Variants in SULF2 observed in about 807,000 individuals in gnomAD.
The protein encoded by SULF2 is extracellular sulfatase Sulf-2.
In SULF2, 52 loss-of-function variants were observed where a neutral mutation model predicts 107.7. That is an observed-to-expected ratio of 0.48 (90% CI 0.39 to 0.61). The LOEUF (loss-of-function observed/expected upper bound fraction) is 0.61, where lower values mean the gene tolerates loss of function less well. Ranked by LOEUF, SULF2 falls within the 20% of genes least tolerant of loss-of-function variation. SULF2 has a pLI of 0.00. For synonymous variants in SULF2, 460 were observed against 464.3 expected, an observed-to-expected ratio of 0.99 and a Z score of 0.12; for missense variants, 993 against 1,177.3, an observed-to-expected ratio of 0.84 and a Z score of 2.29.
chr20:47,692,612 G>T (rs1240343282), intron 4 of SULF2, among the ~76,000 whole-genome samples: 3 of 151,968 alleles, frequency 2.0e-5, no homozygotes, highest in Non-Finnish European at 4.4e-5. Flanking sequence ...TAGAGACAGG[G>T]TCTCTACAGA....
chr20:47,705,054 C>T (rs1398558297), intron 3 of SULF2, among the ~76,000 whole-genome samples: 1 of 152,172 alleles, frequency 6.6e-6, no homozygotes. Flanking sequence ...GGGAAAACCC[C>T]TTAGGAACCC....
In SULF2 at chr20:47,757,179, C is replaced by T. The variant is rs1033793353; in HGVS notation, c.175+10G>A. ...GGGCCGAGGTGCCACCCTGGGGCCC[C>T]GAGGCTTACCCAGCTCCACATCCTG... On this transcript the variant is annotated intron_variant, in intron 2 of 20. Transcript: ENST00000688720. 1.4e-5 allele frequency: 21 copies of T among 1,543,904 alleles called. No homozygotes were observed. The highest frequency in any genetic ancestry group is 1.7e-4 in the Middle Eastern group (1 of 5,890).
intron 2 of SULF2, among the ~76,000 whole-genome samples, chr20:47,745,400 A>AGG (rs1568892256): frequency 2.6e-4 from 8 of 30,556 alleles, no homozygotes; most frequent in Middle Eastern, 0.016. Flanking sequence ...AAAAAAAAAA[A>AGG]AAAAAAAAAA....
intron 7 of SULF2, among the ~76,000 whole-genome samples, chr20:47,679,106 C>T (rs1011814757): frequency 1.3e-5 from 2 of 151,766 alleles, no homozygotes; most frequent in African/African-American, 2.4e-5. Context: ...GGCGACCCCC[C>T]CTTTACAGCC....
intron 3 of SULF2, among the ~76,000 whole-genome samples, chr20:47,718,865 C>T (rs191846931): frequency 6.6e-5 from 10 of 152,096 alleles, no homozygotes; most frequent in African/African-American, 1.2e-4. Context: ...AGAAAAGCTA[C>T]GGAATTACAA....
intron 20 of SULF2, among the ~76,000 whole-genome samples, 153 bp from the exon 21 acceptor site, chr20:47,658,545 A>G (rs1312651766): frequency 6.6e-6 from 1 of 152,176 alleles, no homozygotes; most frequent in Non-Finnish European, 1.5e-5. Context: ...CCACCTAGTC[A>G]CCTCAATTTT....
chr20:47,760,521 G>A (rs8125725), intron 1 of SULF2, among the ~76,000 whole-genome samples: 2,088 of 152,172 alleles, frequency 0.014, 47 homozygotes, highest in African/African-American at 0.048. Flanking sequence ...CCGGTTCCTC[G>A]GTGCAGCATC....
At position 47,678,417 on chromosome 20, in the gene SULF2, C is replaced by A. The variant is rs1396990221; in HGVS notation, c.1193+259G>T. The A allele has an allele frequency of 1.9e-5, 9 of 471,968 alleles. No homozygotes were observed. The highest frequency in any genetic ancestry group is 3.5e-5 in the Non-Finnish European group (9 of 255,458). 29.2% of individuals were successfully genotyped at this position (471,968 alleles called of 1,614,324 possible). ...CATCTCCTACCATCACTGCTGCTAT[C>A]ATTTCAAGCTTTGGGTAATTTTAGC... is the stretch of plus-strand genomic sequence containing the variant. On this transcript the variant is annotated intron_variant, in intron 8 of 20. Transcript: ENST00000688720. The surrounding 1 kb of genome is among the most constrained non-coding windows in gnomAD (Gnocchi z 4.5).
At chr20:47,669,206 C>T in intron 11 of SULF2, among the ~76,000 whole-genome samples, 1 of 152,200 alleles carries the variant, frequency 6.6e-6, no homozygotes, top group East Asian at 1.9e-4. Flanking sequence ...CCCCAGTCAG[C>T]TGGGCCCATC....
chr20:47,737,068 C>G (rs186918144), intron 2 of SULF2, 126 bp from the exon 3 acceptor site: 3 of 1,394,538 alleles, frequency 2.2e-6, no homozygotes, highest in Non-Finnish European at 2.0e-6. Context: ...ACGGGGCAGA[C>G]GGGGCAGGGG....
intron 5 of SULF2, 83 bp from the exon 6 acceptor site, chr20:47,684,664 G>A: frequency 3.5e-6 from 5 of 1,447,588 alleles, no homozygotes; most frequent in Admixed American, 3.8e-5. Context: ...GCCCGGATGA[G>A]CAGCCACCCT....
intron 3 of SULF2, among the ~76,000 whole-genome samples, chr20:47,723,999 C>A (rs960043120): frequency 6.6e-6 from 1 of 152,090 alleles, no homozygotes. Context: ...ATACAAAGGG[C>A]CTGGGGCAGG....
At chr20:47,720,853 T>C (rs2089275877) in intron 3 of SULF2, among the ~76,000 whole-genome samples, 1 of 152,302 alleles carries the variant, frequency 6.6e-6, no homozygotes, top group African/African-American at 2.4e-5. Context: ...AACAATCCCA[T>C]TAACCTAGCA....
chr20:47,719,913 T>C lies in SULF2; in HGVS notation c.415+16790A>G, dbSNP rs189273811. Among the ~76,000 whole-genome samples, 11 of 152,326 alleles carry C rather than the reference T, an allele frequency of 7.2e-5. No individual in the cohort carries two copies. In the East Asian group the frequency reaches 1.4e-3, roughly 19 times the overall value. ...ACTAATCTCCACCATGCAGGAATGTTACCAGTAATGGCAATACCATCATTA... is the reference window on the plus strand; with the variant it reads ...ACTAATCTCCACCATGCAGGAATGTCACCAGTAATGGCAATACCATCATTA... On this transcript the variant is annotated intron_variant, in intron 3 of 20. Transcript: ENST00000688720.
intron 1 of SULF2, among the ~76,000 whole-genome samples, chr20:47,766,505 G>A (rs1239856712): frequency 6.6e-6 from 1 of 152,212 alleles, no homozygotes; most frequent in Non-Finnish European, 1.5e-5. Context: ...CATAAAGATT[G>A]TAGGGCAAAA....
At chr20:47,722,398 C>A (rs1480511946) in intron 3 of SULF2, among the ~76,000 whole-genome samples, 1 of 152,054 alleles carries the variant, frequency 6.6e-6, no homozygotes, top group East Asian at 2.0e-4. Context: ...AGAGCTGGGA[C>A]CACAGGTGTG....
intron 3 of SULF2, among the ~76,000 whole-genome samples, chr20:47,726,559 A>G (rs1379691366): frequency 6.6e-6 from 1 of 152,156 alleles, no homozygotes; most frequent in Non-Finnish European, 1.5e-5. Context: ...AACATTCTCT[A>G]TGTGCATTAT....
At position 47,694,315 on chromosome 20, in the gene SULF2, C is replaced by T. The variant is rs920041738; in HGVS notation, c.568-4020G>A. ...TGGGGTGCGGGAGGGGCGGGTGACC[C>T]CCACCCCTGTTGGTCTCTGGTTTGG... On this transcript the variant is annotated intron_variant, in intron 4 of 20. Coordinates refer to ENST00000688720, the MANE Select transcript of SULF2 (RefSeq NM_001387048.1). The surrounding 1 kb of genome is among the most constrained non-coding windows in gnomAD (Gnocchi z 4.4). 6.6e-6 allele frequency among the ~76,000 whole-genome samples: 1 copy of T among 152,126 alleles called. No individual in the cohort carries two copies. Among genetic ancestry groups the T allele is most frequent in the African/African-American group, 2.4e-5 (1 of 41,424 alleles).
intron 20 of SULF2, among the ~76,000 whole-genome samples, chr20:47,658,978 C>T (rs1232297599): frequency 6.6e-6 from 1 of 152,160 alleles, no homozygotes; most frequent in Non-Finnish European, 1.5e-5. Context: ...GTCTCTTAGT[C>T]CCTGTCAGCC....
Sources: allele counts gnomAD v4.1 joint callset (sites outside exome capture counted in the v4.1 genomes callset), GRCh38; gene constraint gnomAD v4.1.1; non-coding constraint Gnocchi (gnomAD v3.1); transcripts MANE v1.5; gene names NCBI Gene and HGNC (gene_info 2026-07-23, HGNC 2026-07-21).